The following ATG2A variants were observed in gnomAD, a reference collection of about 807,000 sequenced individuals.
ATG2A encodes the protein autophagy related 2A.
ATG2A carries 103 observed loss-of-function variants against 214.2 expected under a neutral mutation model. The ratio of observed to expected loss-of-function variants is 0.48; its 90% CI spans 0.41 to 0.57. The LOEUF is 0.57. Among genes scored for constraint, ATG2A ranks in the 20% least tolerant of loss-of-function variants. The pLI is 0.00. For missense variants in ATG2A, 2,312 were observed against 2,613.2 expected, an observed-to-expected ratio of 0.88 and a Z score of 2.51; for synonymous variants, 1,160 against 1,142.1, an observed-to-expected ratio of 1.02 and a Z score of -0.32.
chr11:64,898,763 GGTCGCT>G lies in ATG2A; in HGVS notation c.4538_4543del (p.Glu1513_Pro1515delinsAla). Reference sequence around the variant, plus strand: ...CACGATGAACACCTGACGGGACAGCGGTCGCTCCTCCAGCTCCTGGCTGGGGGCCGC... The same window carrying G: ...CACGATGAACACCTGACGGGACAGCGCCTCCAGCTCCTGGCTGGGGGCCGC... On this transcript the variant is annotated inframe_deletion, in exon 32 of 41. Coordinates refer to ENST00000377264, the MANE Select transcript of ATG2A (RefSeq NM_015104.3). The surrounding 1 kb of genome is among the most constrained non-coding windows in gnomAD (Gnocchi z 4.5). 1 of 1,613,868 alleles carries G rather than the reference GGTCGCT, an allele frequency of 6.2e-7. No individual in the cohort carries two copies. The highest frequency in any genetic ancestry group is 1.1e-5 in the South Asian group (1 of 91,076).
chr11:64,901,538 T>TTG (rs1326684950), intron 29 of ATG2A, among the ~76,000 whole-genome samples: 3 of 151,956 alleles, frequency 2.0e-5, no homozygotes, highest in Non-Finnish European at 2.9e-5. Context: ...ATCACCCGAG[T>TTG]CTATGCCTGA....
chr11:64,897,871 G>A lies in ATG2A; in HGVS notation c.4962C>T (p.Pro1654=), dbSNP rs752659782. ...SQEAPGGGHS[P]SPPDQQPIYF... ...AGATGGGCTGCTGGTCAGGAGGGGA[G>A]GGGCTGTGTCCACCTCCTGGGGCCT... Residue 1654 remains proline, a synonymous_variant, in exon 35 of 41, where the codon CCC becomes CCT. Transcript: ENST00000377264. 3.8e-6 allele frequency: 6 copies of A among 1,591,634 alleles called. No individual in the cohort carries two copies. The highest frequency in any genetic ancestry group is 5.1e-6 in the Non-Finnish European group (6 of 1,167,570).
chr11:64,910,260 C>T, intron 12 of ATG2A, 65 bp from the exon 13 acceptor site: 2 of 1,513,746 alleles, frequency 1.3e-6, no homozygotes, highest in Non-Finnish European at 1.8e-6. Flanking sequence ...ACAGGAAGGC[C>T]CTCTCTGGTA....
intron 13 of ATG2A, 30 bp from the exon 14 acceptor site, chr11:64,909,954 G>A (rs756278257): frequency 1.2e-5 from 19 of 1,583,292 alleles, no homozygotes; most frequent in East Asian, 4.5e-5. Context: ...CAGAGCAGCC[G>A]TCGGAGCCCC....
Position 64,917,109 on chromosome 11 carries a change from T to C in ATG2A, c.27A>G (p.Ser9=). Residue 9 remains serine (S), a synonymous_variant, in exon 1 of 41, where the codon TCA becomes TCG. Coordinates refer to ENST00000377264, the MANE Select transcript of ATG2A (RefSeq NM_015104.3). MSRWLWPW[S]NCVKERVCRY... ...GGCAGACCCGCTCTTTCACACAGTT[T>C]GACCATGGCCACAGCCATCGTGACA... 1 of 1,612,016 alleles carries C rather than the reference T, an allele frequency of 6.2e-7. No individual in the cohort carries two copies. Among genetic ancestry groups the C allele is most frequent in the Non-Finnish European group, 8.5e-7 (1 of 1,179,560 alleles).
Position 64,898,405 on chromosome 11 carries a change from G to A in ATG2A, c.4672-43C>T. ...GTTCTGGACACCTGCTGGGCCTCTG[G>A]GGCAGCAGCTCACCCAGCTGTTCCC... is the stretch of plus-strand genomic sequence containing the variant. On this transcript the variant is annotated intron_variant, in intron 32 of 40. Coordinates refer to ENST00000377264, the MANE Select transcript of ATG2A (RefSeq NM_015104.3). The surrounding 1 kb of genome is among the most constrained non-coding windows in gnomAD (Gnocchi z 4.5). 6.6e-7 allele frequency: 1 copy of A among 1,512,424 alleles called. No individual in the cohort carries two copies. The highest frequency in any genetic ancestry group is 8.9e-7 in the Non-Finnish European group (1 of 1,122,790). The allele number at this position is 1,512,424 out of a possible 1,614,324, so 93.7% of individuals were successfully genotyped here.
At chr11:64,910,006 C>T in intron 13 of ATG2A, 34 bp downstream of exon 13, 2 of 1,558,478 alleles carry the variant, frequency 1.3e-6, no homozygotes, top group Non-Finnish European at 1.7e-6. Context: ...GCCCTGCACC[C>T]ACCCCCGGCC....
Position 64,917,119 on chromosome 11 carries a change from C to G in ATG2A, c.17G>C (p.Trp6Ser). 7 of 1,609,870 alleles carry G rather than the reference C, an allele frequency of 4.3e-6. No homozygotes were observed. Among genetic ancestry groups the G allele is most frequent in the Non-Finnish European group, 5.9e-6 (7 of 1,178,558 alleles). Residue 6 changes from tryptophan to serine, a missense_variant, in exon 1 of 41, where the codon TGG (tryptophan) becomes TCG (serine). Physicochemically the swap from Trp to Ser is radical, Grantham distance 177. Transcript: ENST00000377264. MSRWLWPWSNCVKERV... is the reference protein window; with the variant it reads MSRWLSPWSNCVKERV... ...CTCTTTCACACAGTTTGACCATGGC[C>G]ACAGCCATCGTGACATCTCGGAGAC...
Position 64,906,365 on chromosome 11 carries a change from C to T in ATG2A, c.3152G>A (p.Arg1051His). ...RGPHMLSTAV[R>H]IHLDPHKNVK... Reference sequence around the variant, plus strand: ...ATTCTTGTGGGGGTCCAGGTGGATGCGCACAGCAGTGGACAACATGTGGGG... The same window carrying T: ...ATTCTTGTGGGGGTCCAGGTGGATGTGCACAGCAGTGGACAACATGTGGGG... The change falls in exon 21 of 41, where the codon CGC (arginine) becomes CAC (histidine). Residue 1051 changes from arginine (R) to histidine (H), a missense_variant. Coordinates refer to ENST00000377264, the MANE Select transcript of ATG2A (RefSeq NM_015104.3). 5.6e-6 allele frequency: 9 copies of T among 1,613,274 alleles called. No individual in the cohort carries two copies. The highest frequency in any genetic ancestry group is 2.2e-5 in the South Asian group (2 of 91,086).
chr11:64,906,346 G>C lies in ATG2A; in HGVS notation c.3171C>G (p.His1057Gln), dbSNP rs755636951. 9.3e-6 allele frequency: 15 copies of C among 1,613,146 alleles called. No homozygotes were observed. The highest frequency in any genetic ancestry group is 1.2e-5 in the Non-Finnish European group (14 of 1,179,906). The change falls in exon 21 of 41, where the codon CAC (histidine) becomes CAG (glutamine). Residue 1057 changes from histidine (H) to glutamine (Q), a missense_variant. Physicochemically the swap from His to Gln is conservative, Grantham distance 24. Transcript: ENST00000377264. ...STAVRIHLDPHKNVKEFLVTL... is the reference protein window; with the variant it reads ...STAVRIHLDPQKNVKEFLVTL... ...GGCAAGCCCATACCTTCACATTCTT[G>C]TGGGGGTCCAGGTGGATGCGCACAG...
Position 64,906,815 on chromosome 11 carries a change from C to T in ATG2A, c.2833G>A (p.Asp945Asn). Residue 945 changes from aspartate to asparagine, a missense_variant and splice_region_variant, in exon 20 of 41, where the codon GAT becomes AAT. Physicochemically the swap from Asp to Asn is conservative, Grantham distance 23. Transcript: ENST00000377264. ...GCCTCCAGCCGCTTCCCACCCTCAT[C>T]CTGCAGAAGGAGCACACAGCCTGGC... ...GRITALCETK[D>N]EGGKRLEAVH... 6.2e-7 allele frequency: 1 copy of T among 1,612,556 alleles called. No homozygotes were observed. The highest frequency in any genetic ancestry group is 8.5e-7 in the Non-Finnish European group (1 of 1,179,676).
chr11:64,909,871 G>A lies in ATG2A; in HGVS notation c.1917C>T (p.Pro639=). ...GGAAGCGCAGCCGCAGCGTGGCCCG[G>A]GGTGCAGAGAGCCGAAATACCGTCT... ...EQQTVFRLSA[P]RATLRLRFPI... Residue 639 remains proline, a synonymous_variant, in exon 14 of 41, where the codon CCC becomes CCT. Transcript: ENST00000377264. The A allele has an allele frequency of 1.2e-6, 2 of 1,609,008 alleles. No homozygotes were observed. The highest frequency in any genetic ancestry group is 1.7e-6 in the Non-Finnish European group (2 of 1,178,648).
rs1023007095 is a variant in ATG2A, at chr11:64,914,135, C to T, written c.433G>A (p.Glu145Lys). 6.4e-7 allele frequency: 1 copy of T among 1,552,896 alleles called. No individual in the cohort carries two copies. Among genetic ancestry groups the T allele is most frequent in the African/African-American group, 1.4e-5 (1 of 73,184 alleles). ...CLRDGLPEPSEPPQPLEGLEM... is the reference protein window; with the variant it reads ...CLRDGLPEPSKPPQPLEGLEM... ...AGCCCCTCCAGGGGCTGTGGTGGCT[C>T]AGAGGGCTCCGGTAGCCCATCCCGC... is the stretch of plus-strand genomic sequence containing the variant. Residue 145 changes from glutamate to lysine, a missense_variant, in exon 3 of 41, where the codon GAG becomes AAG. Physicochemically the swap from Glu to Lys is moderately conservative, Grantham distance 56. Coordinates refer to ENST00000377264, the MANE Select transcript of ATG2A (RefSeq NM_015104.3).
rs1944154012 is a variant in ATG2A at position 64,896,444 on chromosome 11, T to TA, written c.5427+17dup. On this transcript the variant is annotated intron_variant, in intron 39 of 40. Coordinates refer to ENST00000377264, the MANE Select transcript of ATG2A (RefSeq NM_015104.3). ...GCTGCTCTGTCCTGCACAGCCCAGA[T>TA]ACAGGGCACCCACTCACCTGGATAG... The TA allele has an allele frequency of 6.2e-7, 1 of 1,601,240 alleles. No individual in the cohort carries two copies. Among genetic ancestry groups the TA allele is most frequent in the African/African-American group, 1.3e-5 (1 of 74,658 alleles).
Position 64,902,354 on chromosome 11 carries a change from G to A in ATG2A, c.3810C>T (p.Cys1270=), listed in dbSNP as rs1409918316. The A allele has an allele frequency of 1.2e-6, 2 of 1,600,064 alleles. No individual in the cohort carries two copies. Among genetic ancestry groups the A allele is most frequent in the South Asian group, 1.1e-5 (1 of 89,364 alleles). ...TGATGAGGGCCGTCTCCACTGGGGG[G>A]CACGAGGGCAGAGAGGCAGGACTCT... ...LSESPASLPS[C]PPVETALINQ... Residue 1270 remains cysteine (C), a synonymous_variant, in exon 28 of 41, where the codon TGC becomes TGT. Transcript: ENST00000377264.
At position 64,894,882 on chromosome 11, in the gene ATG2A, G is replaced by GGGCCA. The variant is rs1473532103; in HGVS notation, c.*86_*90dup. 4 of 1,481,540 alleles carry GGGCCA rather than the reference G, an allele frequency of 2.7e-6. No homozygotes were observed. The highest frequency in any genetic ancestry group is 3.7e-6 in the Non-Finnish European group (4 of 1,070,542). The allele number at this position is 1,481,540 out of a possible 1,614,324, so 91.8% of individuals were successfully genotyped here. A position where few individuals can be genotyped will look rare whatever the true frequency, so the allele number is the denominator to read the frequency against. On this transcript the variant is annotated 3_prime_UTR_variant, in exon 41 of 41. Coordinates refer to ENST00000377264, the MANE Select transcript of ATG2A (RefSeq NM_015104.3). ...TCCTTCACAGTGGCCATCCCCTGAA[G>GGGCCA]GGCCAGGCCGGGCCGGGCCCGTGGG...
chr11:64,906,728 A>G lies in ATG2A; in HGVS notation c.2920T>C (p.Cys974Arg), dbSNP rs146093441. 1.2e-6 allele frequency: 2 copies of G among 1,613,576 alleles called. No individual in the cohort carries two copies. The highest frequency in any genetic ancestry group is 1.6e-4 in the Middle Eastern group (1 of 6,084). ...HGTLFSVSQY[C>R]GQPGLGYFCL... ...AAGTAGCCAAGTCCTGGCTGGCCAC[A>G]GTACTGGGAGACGCTGAAGAGGGTA... The change falls in exon 20 of 41, where the codon TGT becomes CGT. Residue 974 changes from cysteine to arginine, a missense_variant. Transcript: ENST00000377264.
In ATG2A at chr11:64,898,545, C is replaced by G; in HGVS notation, c.4671+91G>C. 6.8e-7 allele frequency: 1 copy of G among 1,467,436 alleles called. No individual in the cohort carries two copies. 90.9% of individuals were successfully genotyped at this position (1,467,436 alleles called of 1,614,324 possible). On this transcript the variant is annotated intron_variant, in intron 32 of 40. Transcript: ENST00000377264. The surrounding 1 kb of genome is among the most constrained non-coding windows in gnomAD (Gnocchi z 4.5). ...CAACCTGGGTGTTTGTGTGGGAATG[C>G]GTGTATGTGTGTGAATCCATGCATG...
Position 64,901,992 on chromosome 11 carries a change from G to A in ATG2A, c.4089C>T (p.Cys1363=), listed in dbSNP as rs1250421808. Residue 1363 remains cysteine (C), a synonymous_variant, in exon 29 of 41, where the codon TGC becomes TGT. Transcript: ENST00000377264. The stretch of plus-strand genomic sequence containing the variant: ...TGCCCAGGCCGGGAGCATCAAGGAT[G>A]CAGAACTCATCACTGTCCAGGGTGT... ...DGDTLDSDEF[C]ILDAPGLGIP... is the part of the protein sequence containing the mutation. The A allele has an allele frequency of 8.1e-6, 13 of 1,613,828 alleles. No individual in the cohort carries two copies. Among genetic ancestry groups the A allele is most frequent in the Non-Finnish European group, 1.1e-5 (13 of 1,180,038 alleles).
Sources: allele counts gnomAD v4.1 joint callset (sites outside exome capture counted in the v4.1 genomes callset), GRCh38; gene constraint gnomAD v4.1.1; non-coding constraint Gnocchi (gnomAD v3.1); transcripts MANE v1.5; gene names NCBI Gene and HGNC (gene_info 2026-07-23, HGNC 2026-07-21).